COL22A1: variants seen among roughly 807,000 people sequenced by gnomAD.
The protein encoded by COL22A1 is collagen type XXII alpha 1 chain.
A neutral mutation model predicts 248.9 loss-of-function variants in COL22A1; 221 were observed. That is an observed-to-expected ratio of 0.89 (90% CI 0.80 to 0.99). The LOEUF is 0.99. Ranked by LOEUF, COL22A1 falls within the 50% of genes least tolerant of loss-of-function variation. The pLI, the probability that COL22A1 is intolerant of heterozygous loss-of-function variation, is 0.00. For missense variants in COL22A1, 2,240 were observed against 2,179.0 expected (o/e 1.03, Z -0.56); for synonymous variants, 891 against 793.4 (o/e 1.12, Z -2.07).
chr8:138,685,455 A>G, intron 37 of COL22A1, 143 bp from the exon 38 acceptor site: 1 of 714,576 alleles, frequency 1.4e-6, no homozygotes, highest in Non-Finnish European at 2.5e-6. Context: ...GGACACAGAA[A>G]GATGGACTGT....
At chr8:138,907,079 A>G (rs1405653461) in intron 1 of COL22A1, among the ~76,000 whole-genome samples, 12 of 152,250 alleles carry the variant, frequency 7.9e-5, no homozygotes, top group Admixed American at 7.8e-4. Flanking sequence ...GGGAGGGGCC[A>G]GGAATGGAGG....
chr8:138,722,601 C>T (rs753252024), intron 25 of COL22A1, among the ~76,000 whole-genome samples: 1 of 152,174 alleles, frequency 6.6e-6, no homozygotes, highest in Non-Finnish European at 1.5e-5. Context: ...AGGAGCTCCA[C>T]GTTATACTTT....
At chr8:138,598,038 A>G (rs887446467) in intron 61 of COL22A1, among the ~76,000 whole-genome samples, 20 of 152,220 alleles carry the variant, frequency 1.3e-4, no homozygotes, top group Admixed American at 3.9e-4. Flanking sequence ...CCAGAAGACC[A>G]TATGGGCTGT....
Position 138,589,433 on chromosome 8 carries a change from G to C in COL22A1, c.4701C>G (p.Pro1567=). The C allele has an allele frequency of 6.4e-7, 1 of 1,551,580 alleles. No homozygotes were observed. Among genetic ancestry groups the C allele is most frequent in the Non-Finnish European group, 8.7e-7 (1 of 1,150,740 alleles). Residue 1567 remains proline, a synonymous_variant, in exon 65 of 65, where the codon CCC becomes CCG. Transcript: ENST00000303045. The stretch of plus-strand genomic sequence containing the variant: ...CATCTTTAGCATAGCCAGGTTCCCC[G>C]GGTTGACCTGGCCCAAGGAGCAAAA... ...EMGPPGIPGQ[P]GEPGYAKDGL...
At chr8:138,649,865 C>T in intron 45 of COL22A1, 87 bp from the exon 46 acceptor site, 1 of 766,366 alleles carries the variant, frequency 1.3e-6, no homozygotes, top group Non-Finnish European at 2.1e-6. Context: ...TGGCTGCTAT[C>T]TCTCCAGATG....
chr8:138,610,687 T>G (rs915636156), intron 56 of COL22A1, among the ~76,000 whole-genome samples: 2 of 152,174 alleles, frequency 1.3e-5, no homozygotes, highest in Admixed American at 6.5e-5. Context: ...CCGCATGTGG[T>G]ACGTGAAGCC....
At chr8:138,829,476 A>G (rs1217032901) in intron 5 of COL22A1, among the ~76,000 whole-genome samples, 2 of 130,826 alleles carry the variant, frequency 1.5e-5, no homozygotes, top group Admixed American at 9.6e-5. Context: ...GCATGATCTC[A>G]GCTCACTGCA....
rs1192688002 is a variant in COL22A1 at position 138,725,436 on chromosome 8, G to A, written c.2144C>T (p.Pro715Leu). Residue 715 changes from proline (P) to leucine (L), a missense_variant, in exon 24 of 65, where the codon CCT becomes CTT. Pro to Leu is a moderately conservative substitution (Grantham distance 98). Coordinates refer to ENST00000303045, the MANE Select transcript of COL22A1 (RefSeq NM_152888.3). ...GCCTGGGACACCAGGGGGTCCTGGA[G>A]GGCCCTGTAGAGAAAGAGCATTTGG... Reference protein sequence around the residue: ...GIPGLLGLQGPPGPPGVPGPP... With the variant: ...GIPGLLGLQGLPGPPGVPGPP... 2.5e-6 allele frequency: 4 copies of A among 1,613,396 alleles called. No homozygotes were observed. The Admixed American group carries it at 5.0e-5, about 20-fold the overall frequency.
intron 7 of COL22A1, among the ~76,000 whole-genome samples, chr8:138,814,871 C>T (rs1818546972): frequency 6.6e-6 from 1 of 152,164 alleles, no homozygotes; most frequent in Non-Finnish European, 1.5e-5. Flanking sequence ...TCATCAGGCC[C>T]TCTTCTCTGC....
intron 43 of COL22A1, among the ~76,000 whole-genome samples, chr8:138,660,869 C>CAT (rs1564158160): frequency 7.4e-6 from 1 of 134,638 alleles, no homozygotes; most frequent in Non-Finnish European, 1.6e-5. Context: ...GACACACAAA[C>CAT]ACACAGACAC....
At position 138,589,175 on chromosome 8, in the gene COL22A1, C is replaced by T; in HGVS notation, c.*78G>A. ...AAAGGAACACATGGCTGAAGTCTTT[C>T]AAGACCTCTGGCTTCCCACTGGGCT... On this transcript the variant is annotated 3_prime_UTR_variant, in exon 65 of 65. Transcript: ENST00000303045. The T allele has an allele frequency of 7.2e-7, 1 of 1,379,784 alleles. No individual in the cohort carries two copies. The allele number at this position is 1,379,784 out of a possible 1,614,324, so 85.5% of individuals were successfully genotyped here.
Position 138,826,700 on chromosome 8 carries a change from G to A in COL22A1, c.927C>T (p.Asp309=), listed in dbSNP as rs1421720896. ...GGTCGATGACCTGCCAGATATACCA[G>A]TCTTCCTTCCGAGAGGTTTTCCTGA... The part of the protein sequence containing the change: ...FRFRKTSRKE[D]WYIWQVIDQY... The change falls in exon 6 of 65, where the codon GAC becomes GAT. Residue 309 remains aspartate, a synonymous_variant. Transcript: ENST00000303045. The A allele has an allele frequency of 1.2e-6, 2 of 1,613,858 alleles. No homozygotes were observed. Among genetic ancestry groups the A allele is most frequent in the East Asian group, 2.2e-5 (1 of 44,888 alleles).
In COL22A1 at chr8:138,659,673, T is replaced by C. The variant is rs187012620; in HGVS notation, c.3285+763A>G. ...ATAGCCAGGCTACTCAGCTAAACCA[T>C]TGGGGCTTCTCTGGCATTGGAAACT... On this transcript the variant is annotated intron_variant, in intron 44 of 64. Coordinates refer to ENST00000303045, the MANE Select transcript of COL22A1 (RefSeq NM_152888.3). 2.1e-3 allele frequency among the ~76,000 whole-genome samples: 321 copies of C among 152,254 alleles called. 1 individual carries two copies. The highest frequency in any genetic ancestry group is 3.4e-3 in the Middle Eastern group (1 of 294).
At chr8:138,851,140 C>T (rs776187600) in intron 3 of COL22A1, among the ~76,000 whole-genome samples, 11 of 152,252 alleles carry the variant, frequency 7.2e-5, no homozygotes, top group South Asian at 2.1e-4. Flanking sequence ...ATGCCTGCAA[C>T]GTGATGGGGC....
chr8:138,849,503 C>G (rs557550959), intron 3 of COL22A1, among the ~76,000 whole-genome samples: 1 of 152,158 alleles, frequency 6.6e-6, no homozygotes, highest in Non-Finnish European at 1.5e-5. Context: ...CAGGTGGCAA[C>G]GTCAGCATGA....
At position 138,643,651 on chromosome 8, in the gene COL22A1, C is replaced by CAGACAGACAGACAGACAGACAGACAGAT. The variant is rs1554728513; in HGVS notation, c.3501+2977_3501+2978insATCTGTCTGTCTGTCTGTCTGTCTGTCT. Among the ~76,000 whole-genome samples, 774 of 146,560 alleles carry CAGACAGACAGACAGACAGACAGACAGAT rather than the reference C, an allele frequency of 5.3e-3. 17 individuals carry two copies. The highest frequency in any genetic ancestry group is 0.019 in the African/African-American group (709 of 37,334). ...ATAGATAGATAGATAGATAGATAGA[C>CAGACAGACAGACAGACAGACAGACAGAT]AGATAGATAGATAGACAGATAGATT... On this transcript the variant is annotated intron_variant, in intron 47 of 64. Transcript: ENST00000303045.
At chr8:138,871,593 T>C (rs952982473) in intron 3 of COL22A1, among the ~76,000 whole-genome samples, 1 of 152,208 alleles carries the variant, frequency 6.6e-6, no homozygotes, top group African/African-American at 2.4e-5. Context: ...CTGGAAAGTG[T>C]CACCCTTAAA....
rs145855730 is a variant in COL22A1, at chr8:138,758,543, T to C, written c.1902+1700A>G. ...TAATATGATAGGCCTTGGTCAATAATCAGATTCACTTTGGGGCTTGGGCAA... is the reference window on the plus strand; with the variant it reads ...TAATATGATAGGCCTTGGTCAATAACCAGATTCACTTTGGGGCTTGGGCAA... On this transcript the variant is annotated intron_variant, in intron 18 of 64. Transcript: ENST00000303045. Among the ~76,000 whole-genome samples the C allele has an allele frequency of 2.7e-3, 413 of 152,356 alleles. 2 individuals carry two copies. The highest frequency in any genetic ancestry group is 9.4e-3 in the African/African-American group (389 of 41,582).
At chr8:138,787,199 A>C (rs1257684019) in intron 12 of COL22A1, among the ~76,000 whole-genome samples, 3 of 152,188 alleles carry the variant, frequency 2.0e-5, no homozygotes, top group Non-Finnish European at 4.4e-5. Flanking sequence ...CAGATTGATA[A>C]CGTCAGGCAT....
Sources: allele counts gnomAD v4.1 joint callset (sites outside exome capture counted in the v4.1 genomes callset), GRCh38; gene constraint gnomAD v4.1.1; transcripts MANE v1.5; gene names NCBI Gene and HGNC (gene_info 2026-07-23, HGNC 2026-07-21).